The following EPB41L4B variants were observed in gnomAD, a reference collection of about 807,000 sequenced individuals.
The protein encoded by EPB41L4B is band 4.1-like protein 4B.
Under a neutral mutation model 112.5 loss-of-function variants are expected in EPB41L4B, and 30 were observed. The observed-to-expected ratio is 0.27, with a 90% CI of 0.20 to 0.36. The LOEUF is 0.36. EPB41L4B is among the 10% of genes least tolerant of loss of function. The probability of loss-of-function intolerance (pLI) is 1.00; values close to 1 mark genes in which losing one functional copy is unlikely to be tolerated. For synonymous variants in EPB41L4B, 408 were observed against 439.7 expected, an observed-to-expected ratio of 0.93 and a Z score of 0.90; for missense variants, 1,024 against 1,133.3, an observed-to-expected ratio of 0.90 and a Z score of 1.38.
intron 22 of EPB41L4B, among the ~76,000 whole-genome samples, chr9:109,191,920 C>T (rs1029525230): frequency 2.0e-5 from 3 of 152,120 alleles, no homozygotes; most frequent in Admixed American, 2.0e-4. Flanking sequence ...CCAGATGGAT[C>T]GTCGGAAGCA....
intron 15 of EPB41L4B, among the ~76,000 whole-genome samples, chr9:109,224,509 A>G (rs998013993): frequency 6.6e-6 from 1 of 152,186 alleles, no homozygotes; most frequent in Admixed American, 6.5e-5. Flanking sequence ...TAGAGGTAGA[A>G]AGTGGATTAC....
At position 109,179,081 on chromosome 9, in the gene EPB41L4B, C is replaced by T. The variant is rs554784270; in HGVS notation, c.2488-2385G>A. ...CAAAGCAGGTAACAGAAGGACAGAG[C>T]CAGATTAGAAAGAAGCATGTAGAGC... On this transcript the variant is annotated intron_variant, in intron 24 of 25. Transcript: ENST00000374566. Among the ~76,000 whole-genome samples the T allele has an allele frequency of 2.6e-5, 4 of 152,196 alleles. No individual in the cohort carries two copies. The East Asian group carries it at 5.8e-4, about 22-fold the overall frequency.
chr9:109,191,070 G>A (rs563926980), intron 22 of EPB41L4B, among the ~76,000 whole-genome samples: 28 of 152,302 alleles, frequency 1.8e-4, no homozygotes, highest in Admixed American at 7.2e-4. Flanking sequence ...GATGCTGGGG[G>A]AAGCAGATGG....
chr9:109,291,523 C>T (rs888901790), intron 1 of EPB41L4B, among the ~76,000 whole-genome samples: 14 of 152,128 alleles, frequency 9.2e-5, no homozygotes, highest in South Asian at 2.1e-4. Flanking sequence ...TGAGAAGGGA[C>T]GTCAACAGTC....
At chr9:109,297,524 G>A (rs966281700) in intron 1 of EPB41L4B, among the ~76,000 whole-genome samples, 5 of 152,182 alleles carry the variant, frequency 3.3e-5, no homozygotes, top group Non-Finnish European at 4.4e-5. Context: ...CGAGTGATTT[G>A]AGGATGAAAT....
At chr9:109,274,000 C>T (rs1835722832) in intron 2 of EPB41L4B, among the ~76,000 whole-genome samples, 2 of 152,272 alleles carry the variant, frequency 1.3e-5, no homozygotes, top group South Asian at 4.1e-4. Context: ...AAAGGAGCTG[C>T]AAGAGTCCCT....
intron 15 of EPB41L4B, among the ~76,000 whole-genome samples, chr9:109,235,390 CTTTTTTT>C (rs758330838): frequency 0.033 from 2,884 of 87,260 alleles, 53 homozygotes; most frequent in Non-Finnish European, 0.05. Flanking sequence ...TTCAGCTAGA[CTTTTTTT>C]TTTTTTTTTT....
chr9:109,270,423 G>C (rs923781884), intron 2 of EPB41L4B, among the ~76,000 whole-genome samples: 4 of 152,166 alleles, frequency 2.6e-5, no homozygotes, highest in South Asian at 2.1e-4. Context: ...GGGCTGGGTT[G>C]TCACGTCCAT....
intron 2 of EPB41L4B, 124 bp downstream of exon 2, chr9:109,279,693 C>T: frequency 1.3e-6 from 1 of 786,836 alleles, no homozygotes. Context: ...CATCCCAATG[C>T]CTGTTACTGG....
chr9:109,290,756 TCACACACA>T (rs138900441), intron 1 of EPB41L4B, among the ~76,000 whole-genome samples: 2 of 141,376 alleles, frequency 1.4e-5, no homozygotes, highest in African/African-American at 2.6e-5. Flanking sequence ...TATATATACC[TCACACACA>T]CACACACACA....
At chr9:109,247,377 T>C (rs1374185253) in intron 14 of EPB41L4B, among the ~76,000 whole-genome samples, 3 of 152,188 alleles carry the variant, frequency 2.0e-5, no homozygotes, top group African/African-American at 4.8e-5. Flanking sequence ...CATCCTTTCC[T>C]GGAAGCCCAT....
chr9:109,192,824 G>C (rs866859478), intron 21 of EPB41L4B, among the ~76,000 whole-genome samples: 2 of 152,138 alleles, frequency 1.3e-5, no homozygotes, highest in African/African-American at 4.8e-5. Flanking sequence ...TTGCCCTCCT[G>C]CTCTGGGGTC....
intron 24 of EPB41L4B, among the ~76,000 whole-genome samples, chr9:109,177,667 C>T (rs1437931578): frequency 6.6e-6 from 1 of 151,510 alleles, no homozygotes; most frequent in Admixed American, 6.6e-5. Flanking sequence ...ACTAAAAATA[C>T]AAAAAATCAG....
At chr9:109,319,690 G>A (rs905220548) in intron 1 of EPB41L4B, among the ~76,000 whole-genome samples, 1 of 152,232 alleles carries the variant, frequency 6.6e-6, no homozygotes, top group African/African-American at 2.4e-5. Flanking sequence ...TGGCGAGTTT[G>A]AGGGGGGACA....
At chr9:109,176,284 C>T (rs1217501966) in intron 25 of EPB41L4B, among the ~76,000 whole-genome samples, 1 of 152,050 alleles carries the variant, frequency 6.6e-6, no homozygotes, top group Admixed American at 6.6e-5. Flanking sequence ...TGCACCACCA[C>T]GCCTGGCTAA....
chr9:109,271,519 C>G (rs1215047748), intron 2 of EPB41L4B, among the ~76,000 whole-genome samples: 1 of 152,198 alleles, frequency 6.6e-6, no homozygotes, highest in Non-Finnish European at 1.5e-5. Context: ...CAGGGGCCTT[C>G]CAGACTCTGA....
At chr9:109,315,158 C>T (rs552566326) in intron 1 of EPB41L4B, among the ~76,000 whole-genome samples, 35 of 152,282 alleles carry the variant, frequency 2.3e-4, no homozygotes, top group African/African-American at 8.2e-4. Flanking sequence ...AGACTGCCAA[C>T]CCCCCTACCA....
Position 109,216,954 on chromosome 9 carries a change from C to G in EPB41L4B, c.1601G>C (p.Arg534Thr), listed in dbSNP as rs1833393918. The change falls in exon 16 of 26, where the codon AGG becomes ACG. Residue 534 changes from arginine to threonine, a missense_variant. Coordinates refer to ENST00000374566, the MANE Select transcript of EPB41L4B (RefSeq NM_019114.5). Reference protein sequence around the residue: ...LTLENKEGPLRSPNSSSKSLT... With the variant: ...LTLENKEGPLTSPNSSSKSLT... ...GGACTTGCTGCTGGAGTTTGGGGAC[C>G]TCAGAGGCCCCTCTTTGTTCTCCAG... 1.2e-6 allele frequency: 2 copies of G among 1,614,028 alleles called. No homozygotes were observed. The highest frequency in any genetic ancestry group is 2.7e-5 in the African/African-American group (2 of 74,930).
At chr9:109,259,430 C>T (rs537885156) in intron 6 of EPB41L4B, among the ~76,000 whole-genome samples, 1 of 152,282 alleles carries the variant, frequency 6.6e-6, no homozygotes, top group East Asian at 1.9e-4. Context: ...AATGTGGCGA[C>T]CCTGGAAAAC....
Sources: gnomAD v4.1 joint callset for allele counts (sites outside exome capture counted in the v4.1 genomes callset) on GRCh38, gnomAD v4.1.1 for gene constraint, MANE v1.5 for transcripts, NCBI Gene and HGNC (gene_info 2026-07-23, HGNC 2026-07-21) for gene names.